The following TRAPPC9 variants were observed in gnomAD, a reference collection of about 807,000 sequenced individuals.
The protein encoded by TRAPPC9 is trafficking protein particle complex subunit 9.
In TRAPPC9, 83 loss-of-function variants were observed where a neutral mutation model predicts 124.0. That is an observed-to-expected ratio of 0.67 (90% CI 0.56 to 0.80). The LOEUF (loss-of-function observed/expected upper bound fraction) is 0.80. Among genes scored for constraint, TRAPPC9 ranks in the 30% least tolerant of loss-of-function variants. The probability of loss-of-function intolerance (pLI) is 0.00; values close to 1 mark genes in which losing one functional copy is unlikely to be tolerated. For synonymous variants in TRAPPC9, 638 were observed against 617.5 expected, an observed-to-expected ratio of 1.03 and a Z score of -0.49; for missense variants, 1,302 against 1,508.3, an observed-to-expected ratio of 0.86 and a Z score of 2.27.
intron 15 of TRAPPC9, among the ~76,000 whole-genome samples, chr8:140,265,908 T>G (rs2064635866): frequency 6.6e-6 from 1 of 152,192 alleles, no homozygotes; most frequent in South Asian, 2.1e-4. Flanking sequence ...GAATTTTTAA[T>G]TATAACAATA....
At chr8:140,167,962 GT>G (rs1167866693) in intron 17 of TRAPPC9, among the ~76,000 whole-genome samples, 1 of 152,214 alleles carries the variant, frequency 6.6e-6, no homozygotes, top group Non-Finnish European at 1.5e-5. Context: ...AAAAGGAGAA[GT>G]TAAAGTTTTG....
intron 21 of TRAPPC9, among the ~76,000 whole-genome samples, chr8:139,760,683 C>T (rs1293008811): frequency 6.6e-6 from 1 of 152,250 alleles, no homozygotes. Flanking sequence ...TCACCCCAGC[C>T]TGTCTCAGAA....
chr8:139,925,193 C>T lies in TRAPPC9; in HGVS notation c.2811-14893G>A, dbSNP rs998130538. Among the ~76,000 whole-genome samples, 3 of 152,210 alleles carry T rather than the reference C, an allele frequency of 2.0e-5. No individual in the cohort carries two copies. In the East Asian group the frequency reaches 5.8e-4, roughly 29 times the overall value. On this transcript the variant is annotated intron_variant, in intron 19 of 22. Coordinates refer to ENST00000438773, the MANE Select transcript of TRAPPC9 (RefSeq NM_001160372.4). The stretch of plus-strand genomic sequence containing the variant: ...GGGTGGCGGCGCCTCCCACTTTTCC[C>T]TCGACCTTTCCTCCACAGTGTGGAA...
At chr8:139,952,046 A>G (rs1338269113) in intron 19 of TRAPPC9, among the ~76,000 whole-genome samples, 1 of 152,250 alleles carries the variant, frequency 6.6e-6, no homozygotes, top group Non-Finnish European at 1.5e-5. Context: ...AGTAAGGTGA[A>G]GGAAATAATC....
At chr8:140,174,705 G>A (rs745433935) in intron 17 of TRAPPC9, among the ~76,000 whole-genome samples, 16 of 152,216 alleles carry the variant, frequency 1.1e-4, no homozygotes, top group Admixed American at 2.0e-4. Flanking sequence ...TCCGCTTAAC[G>A]ATGTTTTCAA....
intron 11 of TRAPPC9, among the ~76,000 whole-genome samples, chr8:140,291,825 C>T (rs975599007): frequency 3.9e-5 from 6 of 152,206 alleles, no homozygotes; most frequent in African/African-American, 1.4e-4. Context: ...TGGCAAGGGC[C>T]TAAGAGCAGC....
chr8:139,934,243 A>C (rs1833375135), intron 19 of TRAPPC9, among the ~76,000 whole-genome samples: 1 of 152,110 alleles, frequency 6.6e-6, no homozygotes, highest in South Asian at 2.1e-4. Context: ...CAGAGAGATT[A>C]GGCAAATGTG....
At chr8:140,145,927 T>C (rs1232498508) in intron 17 of TRAPPC9, among the ~76,000 whole-genome samples, 1 of 152,248 alleles carries the variant, frequency 6.6e-6, no homozygotes, top group Non-Finnish European at 1.5e-5. Flanking sequence ...AGCCTGACCT[T>C]ACTTAGCTAT....
chr8:139,946,579 C>T (rs1344055973), intron 19 of TRAPPC9, among the ~76,000 whole-genome samples: 1 of 151,948 alleles, frequency 6.6e-6, no homozygotes, highest in Admixed American at 6.6e-5. Context: ...CAAGGTATGC[C>T]AGTGTCTCAA....
chr8:139,761,478 G>A (rs905985246), intron 21 of TRAPPC9, among the ~76,000 whole-genome samples: 6 of 152,090 alleles, frequency 3.9e-5, no homozygotes, highest in African/African-American at 4.8e-5. Flanking sequence ...GTGATGATGC[G>A]GTGTGCGCCA....
At position 140,021,464 on chromosome 8, in the gene TRAPPC9, GTCAA is replaced by G. The variant is rs199696977; in HGVS notation, c.2699+2469_2699+2472del. 5.5e-3 allele frequency among the ~76,000 whole-genome samples: 832 copies of G among 152,106 alleles called. 7 individuals carry two copies. The highest frequency in any genetic ancestry group is 0.019 in the African/African-American group (788 of 41,420). On this transcript the variant is annotated intron_variant, in intron 18 of 22. Coordinates refer to ENST00000438773, the MANE Select transcript of TRAPPC9 (RefSeq NM_001160372.4). ...TTAAATGTTCTTATTTCTTTAAGTA[GTCAA>G]TTAATCTTTCAAAGAAATTTTAAAA...
At chr8:140,437,564 C>T (rs1218270847) in intron 3 of TRAPPC9, among the ~76,000 whole-genome samples, 1 of 152,172 alleles carries the variant, frequency 6.6e-6, no homozygotes, top group Non-Finnish European at 1.5e-5. Context: ...GCGGAGATTG[C>T]AGTGAGCCAA....
In TRAPPC9 at chr8:140,061,933, A is replaced by G. The variant is rs558250123; in HGVS notation, c.2557-37854T>C. Among the ~76,000 whole-genome samples the G allele has an allele frequency of 2.6e-5, 4 of 152,242 alleles. No individual in the cohort carries two copies. The East Asian group carries it at 7.7e-4, about 29-fold the overall frequency. ...TACAGGGAGCAGGGTGAGAATACAA[A>G]CAGGGCCACCTCCCACGCATCTCCA... On this transcript the variant is annotated intron_variant, in intron 17 of 22. Coordinates refer to ENST00000438773, the MANE Select transcript of TRAPPC9 (RefSeq NM_001160372.4).
At chr8:140,085,240 C>G (rs964284058) in intron 17 of TRAPPC9, among the ~76,000 whole-genome samples, 1 of 151,896 alleles carries the variant, frequency 6.6e-6, no homozygotes, top group East Asian at 1.9e-4. Flanking sequence ...GCTCCACGAG[C>G]CCACACGCCC....
chr8:140,422,676 C>T (rs897255217), intron 5 of TRAPPC9, among the ~76,000 whole-genome samples: 1 of 151,264 alleles, frequency 6.6e-6, no homozygotes, highest in Non-Finnish European at 1.5e-5. Flanking sequence ...ATCGCTCGAA[C>T]CCGGGTGGCA....
At position 140,300,479 on chromosome 8, in the gene TRAPPC9, G is replaced by T. The variant is rs143211873; in HGVS notation, c.1758C>A (p.Asn586Lys). Residue 586 changes from asparagine (N) to lysine (K), a missense_variant, in exon 11 of 23, where the codon AAC (asparagine) becomes AAA (lysine). By Grantham distance (94) the Asn-to-Lys change is moderately conservative. Coordinates refer to ENST00000438773, the MANE Select transcript of TRAPPC9 (RefSeq NM_001160372.4). ...GGATCGACGTCCTACCTATTTTCTT[G>T]TTCCGCTCTTCTCCACGGTTGTGTG... is the stretch of plus-strand genomic sequence containing the variant. Reference protein sequence around the residue: ...IIAHNRGEERNKKIDFQWVQG... With the variant: ...IIAHNRGEERKKKIDFQWVQG... 1.2e-6 allele frequency: 2 copies of T among 1,614,082 alleles called. No individual in the cohort carries two copies. Among genetic ancestry groups the T allele is most frequent in the East Asian group, 4.5e-5 (2 of 44,880 alleles).
At chr8:140,111,462 C>G (rs1261492958) in intron 17 of TRAPPC9, among the ~76,000 whole-genome samples, 1 of 152,192 alleles carries the variant, frequency 6.6e-6, no homozygotes, top group Non-Finnish European at 1.5e-5. Flanking sequence ...TGGGGGGAAG[C>G]AGGAGCACAG....
At chr8:140,148,658 T>A (rs7012176) in intron 17 of TRAPPC9, among the ~76,000 whole-genome samples, 1 of 152,036 alleles carries the variant, frequency 6.6e-6, no homozygotes, top group East Asian at 1.9e-4. Context: ...AGCTTCCCCC[T>A]AGAAAGCTTT....
chr8:139,805,959 C>A (rs1485732941), intron 21 of TRAPPC9, among the ~76,000 whole-genome samples: 1 of 152,230 alleles, frequency 6.6e-6, no homozygotes, highest in Non-Finnish European at 1.5e-5. Flanking sequence ...CATAATGATG[C>A]CTTCAGAGGC....
Sources: allele counts gnomAD v4.1 joint callset (sites outside exome capture counted in the v4.1 genomes callset), GRCh38; gene constraint gnomAD v4.1.1; transcripts MANE v1.5; gene names NCBI Gene and HGNC (gene_info 2026-07-23, HGNC 2026-07-21).